The following TRDN variants were observed in gnomAD, a reference collection of about 807,000 sequenced individuals.
TRDN encodes the protein triadin, also known as triadin in skeletal muscle.
Under a neutral mutation model 149.7 loss-of-function variants are expected in TRDN, and 161 were observed. The ratio of observed to expected loss-of-function variants is 1.08; its 90% CI spans 0.95 to 1.23. The LOEUF (loss-of-function observed/expected upper bound fraction) is 1.23. Among genes scored for constraint, TRDN ranks in the 50% most tolerant of loss-of-function variants. The pLI, the probability that TRDN is intolerant of heterozygous loss-of-function variation, is 0.00. For synonymous variants in TRDN, 294 were observed against 250.5 expected (o/e 1.17, Z -1.64); for missense variants, 896 against 823.5 (o/e 1.09, Z -1.08).
chr6:123,629,782 T>C (rs796192521), intron 1 of TRDN, among the ~76,000 whole-genome samples: 10 of 152,058 alleles, frequency 6.6e-5, no homozygotes, highest in African/African-American at 2.2e-4. Context: ...CATGGAGATG[T>C]GGAGATGTTT....
chr6:123,256,006 G>A, intron 35 of TRDN, 104 bp from the exon 36 acceptor site: 2 of 559,620 alleles, frequency 3.6e-6, no homozygotes, highest in Non-Finnish European at 5.2e-6. Flanking sequence ...TTGTTACATA[G>A]GTATACATGT....
intron 24 of TRDN, among the ~76,000 whole-genome samples, chr6:123,305,145 A>G (rs1778561088): frequency 6.6e-6 from 1 of 152,262 alleles, no homozygotes; most frequent in Middle Eastern, 3.4e-3. Context: ...ATTTTACAAT[A>G]TGTCCAAAAT....
At chr6:123,473,668 G>A (rs896713004) in intron 9 of TRDN, among the ~76,000 whole-genome samples, 2 of 150,982 alleles carry the variant, frequency 1.3e-5, no homozygotes, top group Non-Finnish European at 3.0e-5. Flanking sequence ...TGAAATGAAG[G>A]AAAAAATGTT....
chr6:123,318,865 C>A (rs1444214350), intron 23 of TRDN, among the ~76,000 whole-genome samples: 3 of 152,036 alleles, frequency 2.0e-5, no homozygotes, highest in African/African-American at 7.2e-5. Context: ...ATTTTGTAAG[C>A]ACTCCTATGA....
chr6:123,299,930 T>C (rs1438677485), intron 24 of TRDN, among the ~76,000 whole-genome samples: 1 of 152,078 alleles, frequency 6.6e-6, no homozygotes, highest in Non-Finnish European at 1.5e-5. Context: ...AGAAAACTTG[T>C]TTCTTTTAAA....
chr6:123,350,838 C>A, intron 21 of TRDN: 1 of 983,900 alleles, frequency 1.0e-6, no homozygotes, highest in South Asian at 4.7e-5. Flanking sequence ...AGAGCCTAAG[C>A]TTTAATAAGA....
intron 10 of TRDN, among the ~76,000 whole-genome samples, chr6:123,457,351 A>T (rs1776188060): frequency 6.6e-6 from 1 of 152,232 alleles, no homozygotes; most frequent in Non-Finnish European, 1.5e-5. Flanking sequence ...GAGGGTAAGA[A>T]AAACAAAACT....
chr6:123,571,909 C>G (rs1998259), intron 1 of TRDN, among the ~76,000 whole-genome samples: 55,677 of 151,812 alleles, frequency 0.37, 10,631 homozygotes, highest in East Asian at 0.48. Context: ...TAATCAAAAA[C>G]TTTTCTACCT....
At chr6:123,582,872 G>A (rs935197723) in intron 1 of TRDN, among the ~76,000 whole-genome samples, 3 of 151,826 alleles carry the variant, frequency 2.0e-5, no homozygotes, top group East Asian at 3.9e-4. Flanking sequence ...TTGGGGGGGC[G>A]TGGGAACCTA....
intron 10 of TRDN, among the ~76,000 whole-genome samples, chr6:123,448,582 CCCACCCAAGGAGAG>C (rs1775549051): frequency 6.6e-6 from 1 of 152,106 alleles, no homozygotes; most frequent in African/African-American, 2.4e-5. Context: ...TACAGCAAGA[CCCACCCAAGGAGAG>C]TCTGAGCCCA....
At chr6:123,559,095 G>A (rs1781835220) in intron 2 of TRDN, among the ~76,000 whole-genome samples, 1 of 152,256 alleles carries the variant, frequency 6.6e-6, no homozygotes, top group Non-Finnish European at 1.5e-5. Flanking sequence ...TCTTGGCTTA[G>A]CGGCTGAAGA....
intron 1 of TRDN, among the ~76,000 whole-genome samples, chr6:123,623,322 G>C (rs192500447): frequency 1.3e-5 from 2 of 152,108 alleles, no homozygotes; most frequent in East Asian, 3.9e-4. Flanking sequence ...AGATAACTAA[G>C]CTTAGAGTTT....
At chr6:123,555,770 A>G (rs1781621663) in intron 2 of TRDN, among the ~76,000 whole-genome samples, 1 of 152,188 alleles carries the variant, frequency 6.6e-6, no homozygotes, top group Non-Finnish European at 1.5e-5. Context: ...TTATGCTAAA[A>G]TAATAATTGG....
At chr6:123,280,652 C>CTTTTTT (rs34195939) in intron 24 of TRDN, among the ~76,000 whole-genome samples, 1 of 135,538 alleles carries the variant, frequency 7.4e-6, no homozygotes, top group Non-Finnish European at 1.6e-5. Context: ...TCTTTTCTTT[C>CTTTTTT]TTTTTTTTTT....
chr6:123,321,362 G>T (rs368206002), intron 23 of TRDN, among the ~76,000 whole-genome samples: 1 of 151,884 alleles, frequency 6.6e-6, no homozygotes, highest in South Asian at 2.1e-4. Context: ...AATACAATAC[G>T]TATTTTAAAA....
chr6:123,573,647 C>T (rs1782685305), intron 1 of TRDN, among the ~76,000 whole-genome samples: 1 of 151,952 alleles, frequency 6.6e-6, no homozygotes, highest in African/African-American at 2.4e-5. Flanking sequence ...TAATTGACTG[C>T]TTGTAATACA....
chr6:123,391,708 G>A (rs181772234), intron 13 of TRDN, among the ~76,000 whole-genome samples: 117 of 151,856 alleles, frequency 7.7e-4, no homozygotes, highest in Middle Eastern at 3.4e-3. Context: ...CATATGTATG[G>A]AAAGCCAGAT....
At chr6:123,526,912 A>G (rs1355011355) in intron 5 of TRDN, among the ~76,000 whole-genome samples, 1 of 152,080 alleles carries the variant, frequency 6.6e-6, no homozygotes, top group African/African-American at 2.4e-5. Flanking sequence ...TGATTAATTA[A>G]TTAACTGATA....
intron 1 of TRDN, among the ~76,000 whole-genome samples, chr6:123,624,683 G>C (rs1785558784): frequency 6.6e-6 from 1 of 152,030 alleles, no homozygotes; most frequent in Admixed American, 6.6e-5. Flanking sequence ...ATTCTTCTTT[G>C]TAAGCCAGAA....
Sources: gnomAD v4.1 joint callset for allele counts (sites outside exome capture counted in the v4.1 genomes callset) on GRCh38, gnomAD v4.1.1 for gene constraint, MANE v1.5 for transcripts, NCBI Gene and HGNC (gene_info 2026-07-23, HGNC 2026-07-21) for gene names.